EIF3L: variants seen among roughly 807,000 people sequenced by gnomAD.
EIF3L encodes the protein eIEF associated protein HSPC021.
A neutral mutation model predicts 74.6 loss-of-function variants in EIF3L; 32 were observed. The observed-to-expected ratio is 0.43, with a 90% CI of 0.32 to 0.58. The LOEUF (loss-of-function observed/expected upper bound fraction) is 0.58, where lower values mean the gene tolerates loss of function less well. EIF3L is among the 20% of genes least tolerant of loss of function. The pLI is 0.06. For missense variants in EIF3L, 474 were observed against 707.8 expected, an observed-to-expected ratio of 0.67 and a Z score of 3.75; for synonymous variants, 256 against 254.4, an observed-to-expected ratio of 1.01 and a Z score of -0.06.
At chr22:37,865,136 C>T (rs111977742) in intron 7 of EIF3L, among the ~76,000 whole-genome samples, 4 of 152,056 alleles carry the variant, frequency 2.6e-5, no homozygotes, top group Non-Finnish European at 5.9e-5. Context: ...GCAGTAGGAT[C>T]GCTTCAGTCC....
Position 37,888,870 on chromosome 22 carries a change from G to C in EIF3L, c.*406G>C. The C allele has an allele frequency of 5.7e-6, 1 of 176,216 alleles. No homozygotes were observed. The highest frequency in any genetic ancestry group is 1.3e-4 in the South Asian group (1 of 7,544). 10.9% of individuals were successfully genotyped at this position (176,216 alleles called of 1,614,324 possible). ...CAGTTCTGCCTCAGCCTTCCAAGTA[G>C]CTGGGATTACAGGCGTGTGCCACCA... is the stretch of plus-strand genomic sequence containing the variant. On this transcript the variant is annotated 3_prime_UTR_variant, in exon 13 of 13. Coordinates refer to ENST00000652021, the MANE Select transcript of EIF3L (RefSeq NM_016091.4).
chr22:37,885,335 G>A (rs1927264249), intron 11 of EIF3L: 1 of 151,872 alleles, frequency 6.6e-6, no homozygotes, highest in South Asian at 2.1e-4. Context: ...ACTAATCTGG[G>A]TAGTTTAACA....
intron 7 of EIF3L, among the ~76,000 whole-genome samples, chr22:37,865,631 C>T (rs752613968): frequency 3.3e-5 from 5 of 152,064 alleles, no homozygotes; most frequent in Admixed American, 2.6e-4. Flanking sequence ...AAGTGCTGAA[C>T]CGTTACGAGT....
At chr22:37,852,577 C>T (rs1037898493) in intron 3 of EIF3L, among the ~76,000 whole-genome samples, 1 of 152,064 alleles carries the variant, frequency 6.6e-6, no homozygotes, top group African/African-American at 2.4e-5. Flanking sequence ...AAACAAATAG[C>T]CAAAGGCCTA....
chr22:37,868,634 C>CTTTTTTTTTTTTTTTTTTTTTTTTTTTT lies in EIF3L; in HGVS notation c.580-1517_580-1516insTTTTTTTTTTTTTTTTTTTTTTTTTTTT, dbSNP rs71195065. 2.8e-4 allele frequency among the ~76,000 whole-genome samples: 7 copies of CTTTTTTTTTTTTTTTTTTTTTTTTTTTT among 25,130 alleles called. 1 individual carries two copies. The highest frequency in any genetic ancestry group is 1.5e-3 in the South Asian group (1 of 664). The allele number at this position is 25,130 out of a possible 152,430, so 16.5% of individuals were successfully genotyped here. Reference sequence around the variant, plus strand: ...ACACCTGGCTATTTTTGTTTTGGTGCTTTTTTTTTTTTTTTTTTTTTTTTT... The same window carrying CTTTTTTTTTTTTTTTTTTTTTTTTTTTT: ...ACACCTGGCTATTTTTGTTTTGGTGCTTTTTTTTTTTTTTTTTTTTTTTTTTTTTTTTTTTTTTTTTTTTTTTTTTTTT... On this transcript the variant is annotated intron_variant, in intron 7 of 12. Coordinates refer to ENST00000652021, the MANE Select transcript of EIF3L (RefSeq NM_016091.4).
intron 7 of EIF3L, among the ~76,000 whole-genome samples, chr22:37,865,353 G>A (rs1011927663): frequency 1.3e-4 from 20 of 151,818 alleles, no homozygotes; most frequent in Non-Finnish European, 2.2e-4. Flanking sequence ...CTAGCTACTC[G>A]GGAGGCTGAG....
chr22:37,851,297 C>G lies in EIF3L; in HGVS notation c.100C>G (p.Leu34Val). Reference protein sequence around the residue: ...DMHTGDPKQDLAYERQYEQQT... With the variant: ...DMHTGDPKQDVAYERQYEQQT... The stretch of plus-strand genomic sequence containing the variant: ...ACCTCCAGGAGATCCAAAGCAGGAC[C>G]TTGCTTATGAACGTCAGTATGAACA... Residue 34 changes from leucine (L) to valine (V), a missense_variant, in exon 3 of 13, where the codon CTT (leucine) becomes GTT (valine). Around this residue, in one of 4 missense-constraint regions of EIF3L, gnomAD observed 141 missense variants for 197.7 expected, o/e 0.71. Transcript: ENST00000652021. 1 of 1,614,066 alleles carries G rather than the reference C, an allele frequency of 6.2e-7. No individual in the cohort carries two copies. The highest frequency in any genetic ancestry group is 2.2e-5 in the East Asian group (1 of 44,884).
intron 12 of EIF3L, 101 bp from the exon 13 acceptor site, chr22:37,888,325 T>G: frequency 7.6e-7 from 1 of 1,315,894 alleles, no homozygotes; most frequent in Non-Finnish European, 1.1e-6. Flanking sequence ...CTTTCTTGGC[T>G]TCAGAGGGGC....
At chr22:37,864,132 C>T (rs1002822800) in intron 7 of EIF3L, among the ~76,000 whole-genome samples, 69 of 152,140 alleles carry the variant, frequency 4.5e-4, no homozygotes, top group African/African-American at 1.6e-3. Flanking sequence ...TAATAGCTTA[C>T]TGCAGCCTAG....
intron 4 of EIF3L, among the ~76,000 whole-genome samples, chr22:37,857,483 G>C (rs1002872429): frequency 2.0e-5 from 3 of 150,222 alleles, no homozygotes; most frequent in African/African-American, 7.4e-5. Context: ...TGTTTTCAGT[G>C]TACAAGTCTC....
chr22:37,855,571 C>A lies in EIF3L; in HGVS notation c.300C>A (p.Thr100=). The A allele has an allele frequency of 6.2e-7, 1 of 1,614,034 alleles. No individual in the cohort carries two copies. Among genetic ancestry groups the A allele is most frequent in the Non-Finnish European group, 8.5e-7 (1 of 1,179,958 alleles). ...TTTTTTTCTTGATTTTTAGCTGGACCAAGCTGACTGAAAGATTCTTCAAGA... is the reference window on the plus strand; with the variant it reads ...TTTTTTTCTTGATTTTTAGCTGGACAAAGCTGACTGAAAGATTCTTCAAGA... ...EIQDIYENSW[T]KLTERFFKNT... is the part of the protein sequence containing the mutation. Residue 100 remains threonine (T), a synonymous_variant, in exon 4 of 13, where the codon ACC becomes ACA. Coordinates refer to ENST00000652021, the MANE Select transcript of EIF3L (RefSeq NM_016091.4).
chr22:37,867,603 G>C (rs997393878), intron 7 of EIF3L, among the ~76,000 whole-genome samples: 1 of 147,646 alleles, frequency 6.8e-6, no homozygotes, highest in African/African-American at 2.5e-5. Flanking sequence ...GTTGCAGTGA[G>C]CTGAGATCAC....
chr22:37,875,689 T>C, intron 9 of EIF3L, 152 bp from the exon 10 acceptor site: 2 of 626,064 alleles, frequency 3.2e-6, no homozygotes, highest in East Asian at 2.8e-5. Context: ...ACTTAATTGA[T>C]GAATAGGAAG....
chr22:37,887,374 C>A (rs1927380098), intron 12 of EIF3L: 1 of 150,968 alleles, frequency 6.6e-6, no homozygotes, highest in South Asian at 2.1e-4. Context: ...CTTTGGGAGG[C>A]TGAATTTGAG....
intron 7 of EIF3L, among the ~76,000 whole-genome samples, chr22:37,867,340 T>G (rs1926202911): frequency 2.6e-5 from 4 of 152,112 alleles, no homozygotes; most frequent in African/African-American, 9.7e-5. Context: ...ATTATCAGTC[T>G]GTCTAATTTT....
intron 4 of EIF3L, 56 bp from the exon 5 acceptor site, chr22:37,858,623 T>G: frequency 6.6e-7 from 1 of 1,517,662 alleles, no homozygotes; most frequent in East Asian, 2.3e-5. Context: ...GAGCTAAAGC[T>G]GCCAGGATAC....
chr22:37,877,727 G>A lies in EIF3L; in HGVS notation c.1131G>A (p.Met377Ile). 3 of 1,613,528 alleles carry A rather than the reference G, an allele frequency of 1.9e-6. No homozygotes were observed. Among genetic ancestry groups the A allele is most frequent in the Non-Finnish European group, 2.5e-6 (3 of 1,179,716 alleles). ...MHALLAIALT[M>I]YPMRIDESIH... is the part of the protein sequence containing the mutation. ...CGCTGCTGGCCATTGCCCTCACGAT[G>A]TACCCCATGCGTATTGATGAGAGCA... Residue 377 changes from methionine to isoleucine, a missense_variant, in exon 11 of 13, where the codon ATG becomes ATA. Coordinates refer to ENST00000652021, the MANE Select transcript of EIF3L (RefSeq NM_016091.4).
chr22:37,874,832 G>A (rs1055425751), intron 9 of EIF3L, among the ~76,000 whole-genome samples: 2 of 151,188 alleles, frequency 1.3e-5, no homozygotes, highest in Non-Finnish European at 2.9e-5. Flanking sequence ...GGGTTCAAGC[G>A]ATTCCCCTGC....
Position 37,877,723 on chromosome 22 carries a change from C to T in EIF3L, c.1127C>T (p.Thr376Met), listed in dbSNP as rs990003683. ...QMHALLAIAL[T>M]MYPMRIDESI... is the part of the protein sequence containing the mutation. ...CATGCGCTGCTGGCCATTGCCCTCA[C>T]GATGTACCCCATGCGTATTGATGAG... Residue 376 changes from threonine (T) to methionine (M), a missense_variant, in exon 11 of 13, where the codon ACG (threonine) becomes ATG (methionine). By Grantham distance (81) the Thr-to-Met change is moderately conservative. Coordinates refer to ENST00000652021, the MANE Select transcript of EIF3L (RefSeq NM_016091.4). The T allele has an allele frequency of 4.3e-6, 7 of 1,612,916 alleles. No homozygotes were observed. In the East Asian group the frequency reaches 6.7e-5, roughly 15 times the overall value.
Sources: allele counts gnomAD v4.1 joint callset (sites outside exome capture counted in the v4.1 genomes callset), GRCh38; gene constraint gnomAD v4.1.1; regional missense constraint gnomAD v4.1.1; transcripts MANE v1.5; gene names NCBI Gene and HGNC (gene_info 2026-07-23, HGNC 2026-07-21).